The following LRP2BP variants were observed in gnomAD, a reference collection of about 807,000 sequenced individuals.
The protein encoded by LRP2BP is LRP2 binding protein, also known as LRP2-binding protein.
LRP2BP carries 38 observed loss-of-function variants against 45.2 expected under a neutral mutation model. The ratio of observed to expected loss-of-function variants is 0.84; its 90% CI spans 0.65 to 1.10. The LOEUF (loss-of-function observed/expected upper bound fraction) is 1.10. Ranked by LOEUF, LRP2BP falls within the 50% of genes least tolerant of loss-of-function variation. The pLI, the probability that LRP2BP is intolerant of heterozygous loss-of-function variation, is 0.00. For synonymous variants in LRP2BP, 153 were observed against 153.9 expected (o/e 0.99, Z 0.04); for missense variants, 385 against 418.9 (o/e 0.92, Z 0.71).
In LRP2BP at chr4:185,395,912, T is replaced by G. The variant is rs2095501009; in HGVS notation, c.-1155A>C. Reference sequence around the variant, plus strand: ...TAAGCAGATCCTTCTGGAAAGACGCTTAGGGAGAGTCTAGGGAGCAGCTCT... The same window carrying G: ...TAAGCAGATCCTTCTGGAAAGACGCGTAGGGAGAGTCTAGGGAGCAGCTCT... On this transcript the variant is annotated 5_prime_UTR_variant, in exon 1 of 9. Transcript: ENST00000505916. 2.0e-6 allele frequency: 2 copies of G among 985,388 alleles called. No homozygotes were observed. The highest frequency in any genetic ancestry group is 2.4e-6 in the Non-Finnish European group (2 of 829,892). The allele number at this position is 985,388 out of a possible 1,614,324, so 61.0% of individuals were successfully genotyped here. A position where few individuals can be genotyped will look rare whatever the true frequency, so the allele number is the denominator to read the frequency against.
In LRP2BP at chr4:185,391,170, T is replaced by C. The variant is rs1295293466; in HGVS notation, c.-22+3609A>G. Among the ~76,000 whole-genome samples the C allele has an allele frequency of 2.6e-5, 4 of 152,240 alleles. No homozygotes were observed. The East Asian group carries it at 7.7e-4, about 29-fold the overall frequency. ...TGTCCCCAATCAACATTCATCTGTTTTACTCATGATTAGACTGGGCTATGG... is the reference window on the plus strand; with the variant it reads ...TGTCCCCAATCAACATTCATCTGTTCTACTCATGATTAGACTGGGCTATGG... On this transcript the variant is annotated intron_variant, in intron 1 of 8. Transcript: ENST00000505916.
At chr4:185,370,944 G>A (rs2095412676) in intron 7 of LRP2BP, 130 bp from the exon 8 acceptor site, 2 of 997,206 alleles carry the variant, frequency 2.0e-6, no homozygotes, top group Non-Finnish European at 3.0e-6. Context: ...TAAGTTGTTT[G>A]CTGTGTGGGG....
chr4:185,371,528 C>CGAG (rs2095415690), intron 7 of LRP2BP, among the ~76,000 whole-genome samples: 1 of 117,306 alleles, frequency 8.5e-6, no homozygotes, highest in Non-Finnish European at 1.6e-5. Context: ...GGCAACAGAG[C>CGAG]GAGACTCCGT....
chr4:185,391,121 A>C (rs997566155), intron 1 of LRP2BP, among the ~76,000 whole-genome samples: 1 of 152,346 alleles, frequency 6.6e-6, no homozygotes, highest in Non-Finnish European at 1.5e-5. Context: ...GTTTTGAGGA[A>C]TACTAGCCGT....
rs770063174 is a variant in LRP2BP at position 185,372,941 on chromosome 4, G to A, written c.718C>T (p.Arg240Cys). The change falls in exon 7 of 9, where the codon CGC becomes TGC. Residue 240 changes from arginine to cysteine, a missense_variant. Coordinates refer to ENST00000505916, the MANE Select transcript of LRP2BP (RefSeq NM_001377440.1). The stretch of plus-strand genomic sequence containing the variant: ...TTCCCTTGAGCATAGACGTTTCCGC[G>A]TTCTGCTGCTTCTCTTAAGCACTGC... The part of the protein sequence containing the change: ...ALQCLREAAE[R>C]GNVYAQGNLV... 5.6e-5 allele frequency: 91 copies of A among 1,613,778 alleles called. No individual in the cohort carries two copies. Among genetic ancestry groups the A allele is most frequent in the African/African-American group, 8.0e-5 (6 of 74,896 alleles).
At chr4:185,397,089 C>T, upstream of LRP2BP, 2 of 1,609,706 alleles carry the variant, frequency 1.2e-6, no homozygotes, top group East Asian at 2.2e-5. Context: ...GGTTTCCAGC[C>T]CGGAGGGGCG....
At chr4:185,378,367 T>G (rs2095445231) in intron 1 of LRP2BP, 160 bp from the exon 2 acceptor site, 1 of 1,416,020 alleles carries the variant, frequency 7.1e-7, no homozygotes, top group Non-Finnish European at 9.2e-7. Flanking sequence ...CATTCTTTAC[T>G]AGGACACCAA....
rs2095500507 is a variant in LRP2BP, at chr4:185,395,769, TG to T, written c.-1013del. The T allele has an allele frequency of 1.0e-6, 1 of 985,320 alleles. No individual in the cohort carries two copies. The highest frequency in any genetic ancestry group is 6.1e-5 in the Admixed American group (1 of 16,270). 61.0% of individuals were successfully genotyped at this position (985,320 alleles called of 1,614,324 possible). On this transcript the variant is annotated 5_prime_UTR_variant, in exon 1 of 9. The change creates a premature stop within an existing upstream ORF in the 5' untranslated region. Transcript: ENST00000505916. ...TATCTTTAGAGGACAAGCATGAACT[TG>T]TTTTCTAACAGCATAACAATAAACG...
chr4:185,387,146 G>A (rs2095474089), intron 1 of LRP2BP, among the ~76,000 whole-genome samples: 1 of 152,194 alleles, frequency 6.6e-6, no homozygotes, highest in Non-Finnish European at 1.5e-5. Flanking sequence ...TCGGGAGCCT[G>A]AGGCATGAGA....
chr4:185,396,526 GCC>G, upstream of LRP2BP: 1 of 213,794 alleles, frequency 4.7e-6, no homozygotes, highest in Non-Finnish European at 9.2e-6. Flanking sequence ...GTCCTCTCAC[GCC>G]CACTGACTTA....
upstream of LRP2BP, chr4:185,396,905 C>T (rs750137008): frequency 1.7e-5 from 28 of 1,613,122 alleles, no homozygotes; most frequent in East Asian, 5.6e-4. Flanking sequence ...GGACTCTTGT[C>T]ATCTGCCTTA....
Position 185,377,700 on chromosome 4 carries a change from C to T in LRP2BP, c.106+381G>A, listed in dbSNP as rs1206774095. The T allele has an allele frequency of 2.9e-5, 5 of 174,618 alleles. No individual in the cohort carries two copies. The South Asian group carries it at 5.7e-4, about 20-fold the overall frequency. 10.8% of individuals were successfully genotyped at this position (174,618 alleles called of 1,614,324 possible). A position where few individuals can be genotyped will look rare whatever the true frequency, so the allele number is the denominator to read the frequency against. ...CTTAATTTGAGCCTTAATGAGAGTT[C>T]CTCTAACCAAATGAGCAACCCATCC... On this transcript the variant is annotated intron_variant, in intron 2 of 8. Transcript: ENST00000505916.
At chr4:185,397,264 C>G (rs374420180), upstream of LRP2BP, 2 of 1,614,124 alleles carry the variant, frequency 1.2e-6, no homozygotes, top group South Asian at 1.1e-5. Context: ...TTGCTTTCTT[C>G]TCTGGCAGCT....
At chr4:185,396,864 C>T (rs1274945376), upstream of LRP2BP, 4 of 1,571,038 alleles carry the variant, frequency 2.5e-6, no homozygotes, top group Middle Eastern at 1.7e-4. Flanking sequence ...TGTCGGGGTG[C>T]GGCGAGTGTC....
At chr4:185,388,171 A>T (rs2095477151) in intron 1 of LRP2BP, among the ~76,000 whole-genome samples, 1 of 152,176 alleles carries the variant, frequency 6.6e-6, no homozygotes, top group Non-Finnish European at 1.5e-5. Context: ...GGACTCAGAA[A>T]TTAGGGAGGT....
chr4:185,373,458 C>G (rs528322130), intron 6 of LRP2BP, among the ~76,000 whole-genome samples: 1 of 152,218 alleles, frequency 6.6e-6, no homozygotes, highest in East Asian at 1.9e-4. Flanking sequence ...AGGGAGAGTT[C>G]GAGCTCCCGG....
rs1371283809 is a variant in LRP2BP, at chr4:185,376,891, A to C, written c.216+18T>G. ...ACAGAATTACAGGAAATGAAAACGA[A>C]TAAACAAAAAATGATACCTCTTCAA... On this transcript the variant is annotated intron_variant, in intron 3 of 8. Coordinates refer to ENST00000505916, the MANE Select transcript of LRP2BP (RefSeq NM_001377440.1). 2.6e-6 allele frequency: 4 copies of C among 1,565,390 alleles called. No individual in the cohort carries two copies. The African/African-American group carries it at 4.1e-5, about 16-fold the overall frequency.
At chr4:185,376,243 C>T (rs1446338173) in intron 3 of LRP2BP, among the ~76,000 whole-genome samples, 1 of 152,138 alleles carries the variant, frequency 6.6e-6, no homozygotes, top group Admixed American at 6.5e-5. Context: ...AAAATCAAGG[C>T]TTCAATTATT....
In LRP2BP at chr4:185,395,769, T is replaced by TG; in HGVS notation, c.-1013dup. The TG allele has an allele frequency of 1.0e-6, 1 of 985,438 alleles. No homozygotes were observed. Among genetic ancestry groups the TG allele is most frequent in the Non-Finnish European group, 1.2e-6 (1 of 829,926 alleles). The allele number at this position is 985,438 out of a possible 1,614,324, so 61.0% of individuals were successfully genotyped here. On this transcript the variant is annotated 5_prime_UTR_variant, in exon 1 of 9. The change abolishes the stop of an existing upstream ORF in the 5' untranslated region. Transcript: ENST00000505916. ...TATCTTTAGAGGACAAGCATGAACT[T>TG]GTTTTCTAACAGCATAACAATAAAC... is the stretch of plus-strand genomic sequence containing the variant.
Sources: gnomAD v4.1 joint callset for allele counts (sites outside exome capture counted in the v4.1 genomes callset) on GRCh38, gnomAD v4.1.1 for gene constraint, MANE v1.5 for transcripts, NCBI Gene and HGNC (gene_info 2026-07-23, HGNC 2026-07-21) for gene names.